The following CRB1 variants were observed in gnomAD, a reference collection of about 807,000 sequenced individuals.
The protein encoded by CRB1 is protein crumbs homolog 1.
A neutral mutation model predicts 120.0 loss-of-function variants in CRB1; 83 were observed. The observed-to-expected ratio is 0.69, with a 90% confidence interval of 0.58 to 0.83. The LOEUF is 0.83. Ranked by LOEUF, CRB1 falls within the 40% of genes least tolerant of loss-of-function variation. The probability of loss-of-function intolerance (pLI) is 0.00; values close to 1 mark genes in which losing one functional copy is unlikely to be tolerated. For missense variants in CRB1, 1,699 were observed against 1,687.6 expected, an observed-to-expected ratio of 1.01 and a Z score of -0.12; for synonymous variants, 625 against 612.5, an observed-to-expected ratio of 1.02 and a Z score of -0.30.
chr1:197,230,963 G>T, the CRB1 span, among the ~76,000 whole-genome samples: 1 of 152,132 alleles, frequency 6.6e-6, no homozygotes, highest in Non-Finnish European at 1.5e-5. Context: ...AAATTGTCAT[G>T]ATGATCAAAT....
At chr1:197,336,402 A>T (rs925094781) in intron 2 of CRB1, among the ~76,000 whole-genome samples, 9 of 152,124 alleles carry the variant, frequency 5.9e-5, no homozygotes, top group African/African-American at 2.2e-4. Context: ...GAGGAAAATA[A>T]AATATGTTAT....
At chr1:197,249,512 A>G in the CRB1 span, among the ~76,000 whole-genome samples, 2 of 152,106 alleles carry the variant, frequency 1.3e-5, no homozygotes, top group East Asian at 3.9e-4. Context: ...TGGAATGATA[A>G]TTCATAATAT....
chr1:197,382,125 A>G (rs1661988139), intron 5 of CRB1, among the ~76,000 whole-genome samples: 1 of 152,220 alleles, frequency 6.6e-6, no homozygotes, highest in African/African-American at 2.4e-5. Flanking sequence ...ACAGCCAATT[A>G]TTAATATTAT....
intron 5 of CRB1, among the ~76,000 whole-genome samples, chr1:197,405,531 C>T (rs1169987575): frequency 6.6e-6 from 1 of 152,074 alleles, no homozygotes; most frequent in Non-Finnish European, 1.5e-5. Flanking sequence ...CTCTGCCTGG[C>T]CGCCCATCGT....
rs555901860 is a variant in CRB1 at position 197,430,138 on chromosome 1, A to G, written c.2842+524A>G. Reference sequence around the variant, plus strand: ...TCTATGAGAATTTCCCTCACTGTGAAAAGTTTTCCTGTCCATCTTCTGTAC... The same window carrying G: ...TCTATGAGAATTTCCCTCACTGTGAGAAGTTTTCCTGTCCATCTTCTGTAC... On this transcript the variant is annotated intron_variant, in intron 8 of 11. Transcript: ENST00000367400. Among the ~76,000 whole-genome samples the G allele has an allele frequency of 3.3e-5, 5 of 152,304 alleles. No homozygotes were observed. The South Asian group carries it at 1.0e-3, about 32-fold the overall frequency.
At chr1:197,408,108 A>G (rs1663513076) in intron 5 of CRB1, among the ~76,000 whole-genome samples, 1 of 152,196 alleles carries the variant, frequency 6.6e-6, no homozygotes, top group African/African-American at 2.4e-5. Flanking sequence ...AGTTGAGGAA[A>G]GTAAATCACA....
chr1:197,322,671 A>G (rs893637101), intron 1 of CRB1, among the ~76,000 whole-genome samples: 1 of 152,140 alleles, frequency 6.6e-6, no homozygotes, highest in Non-Finnish European at 1.5e-5. Context: ...ATTTAAGTGT[A>G]GTATGTGGAC....
At chr1:197,319,667 CT>C (rs1356586500) in intron 1 of CRB1, among the ~76,000 whole-genome samples, 5 of 150,960 alleles carry the variant, frequency 3.3e-5, no homozygotes, top group Admixed American at 6.6e-5. Context: ...TTCTCTCTTT[CT>C]TTTTTTTTCT....
At chr1:197,305,488 T>A (rs1657107437) in intron 1 of CRB1, among the ~76,000 whole-genome samples, 1 of 151,938 alleles carries the variant, frequency 6.6e-6, no homozygotes, top group African/African-American at 2.4e-5. Context: ...TTAACTGTAT[T>A]TTCTAAAAGG....
intron 2 of CRB1, among the ~76,000 whole-genome samples, chr1:197,343,868 G>T (rs1427122243): frequency 6.6e-6 from 1 of 152,166 alleles, no homozygotes; most frequent in Non-Finnish European, 1.5e-5. Context: ...GCTGTGCCAG[G>T]ATCCCGACCC....
chr1:197,447,876 G>T (rs905012916), intron 11 of CRB1, among the ~76,000 whole-genome samples: 7 of 139,088 alleles, frequency 5.0e-5, no homozygotes, highest in African/African-American at 1.6e-4. Context: ...AAAAAAAAAA[G>T]TCTGTCTGCC....
chr1:197,270,433 A>T (rs1370302122), intron 1 of CRB1, among the ~76,000 whole-genome samples: 1 of 152,190 alleles, frequency 6.6e-6, no homozygotes, highest in East Asian at 1.9e-4. Context: ...AGTAGATCCT[A>T]GGAAACTATA....
chr1:197,439,557 T>C (rs1665331724), intron 10 of CRB1: 1 of 152,228 alleles, frequency 6.6e-6, no homozygotes, highest in Non-Finnish European at 1.5e-5. Flanking sequence ...TTCTATTTGA[T>C]GTGCCAGCAT....
chr1:197,438,791 T>C (rs1571565119), intron 10 of CRB1, 116 bp downstream of exon 10: 2 of 1,324,552 alleles, frequency 1.5e-6, no homozygotes, highest in East Asian at 2.4e-5. Context: ...AAATCTATGC[T>C]GAAATAGAGG....
chr1:197,244,521 T>C, the CRB1 span, among the ~76,000 whole-genome samples: 2 of 152,066 alleles, frequency 1.3e-5, no homozygotes, highest in Non-Finnish European at 2.9e-5. Flanking sequence ...TGATGAGAAA[T>C]TCTCTGTCAT....
At chr1:197,304,894 A>T (rs1657075786) in intron 1 of CRB1, among the ~76,000 whole-genome samples, 1 of 152,214 alleles carries the variant, frequency 6.6e-6, no homozygotes, top group Non-Finnish European at 1.5e-5. Flanking sequence ...TGGCAGTGAC[A>T]CAGAGGCAGT....
chr1:197,388,354 A>T (rs1413377168), intron 5 of CRB1, among the ~76,000 whole-genome samples: 1 of 152,066 alleles, frequency 6.6e-6, no homozygotes, highest in East Asian at 1.9e-4. Flanking sequence ...TGTCATCATT[A>T]TATCCTAAAC....
intron 5 of CRB1, among the ~76,000 whole-genome samples, chr1:197,374,444 G>GC (rs935008911): frequency 8.6e-5 from 13 of 151,830 alleles, no homozygotes; most frequent in South Asian, 2.1e-4. Flanking sequence ...CTTTTTTCTT[G>GC]CCCCCCCTGC....
At chr1:197,344,504 G>A in intron 3 of CRB1, 28 bp downstream of exon 3, 1 of 1,593,970 alleles carries the variant, frequency 6.3e-7, no homozygotes, top group Non-Finnish European at 8.6e-7. Context: ...TTGGGTGATT[G>A]GCTTAGAACT....
Sources: gnomAD v4.1 joint callset for allele counts (sites outside exome capture counted in the v4.1 genomes callset) on GRCh38, gnomAD v4.1.1 for gene constraint, MANE v1.5 for transcripts, NCBI Gene and HGNC (gene_info 2026-07-23, HGNC 2026-07-21) for gene names.